The following THADA variants were observed in gnomAD, a reference collection of about 807,000 sequenced individuals.
THADA encodes THADA armadillo repeat containing.
A neutral mutation model predicts 219.8 loss-of-function variants in THADA; 213 were observed. That is an observed-to-expected ratio of 0.97 (90% CI 0.87 to 1.09). The LOEUF is 1.09. THADA is among the 50% of genes least tolerant of loss of function. THADA has a pLI of 0.00. For missense variants in THADA, 2,956 were observed against 2,311.3 expected (o/e 1.28, Z -5.72); for synonymous variants, 1,018 against 828.9 (o/e 1.23, Z -3.92).
chr2:43,409,229 G>A (rs1353557869), intron 28 of THADA, among the ~76,000 whole-genome samples: 1 of 152,144 alleles, frequency 6.6e-6, no homozygotes. Flanking sequence ...TTTTGCTGAA[G>A]CTAATTAATG....
At position 43,489,874 on chromosome 2, in the gene THADA, C is replaced by CAAAAAAAAAAAA. The variant is rs201735523; in HGVS notation, c.3745-4561_3745-4550dup. ...ATTTCCATATGTATTTTAAGATCTG[C>CAAAAAAAAAAAA]AAAAAAAAAAAAAAAAAAAAGCTAG... On this transcript the variant is annotated intron_variant, in intron 25 of 37. Transcript: ENST00000405975. 4.3e-3 allele frequency among the ~76,000 whole-genome samples: 241 copies of CAAAAAAAAAAAA among 56,030 alleles called. 21 individuals are homozygous for CAAAAAAAAAAAA. The highest frequency in any genetic ancestry group is 0.016 in the African/African-American group (234 of 15,004). 36.8% of individuals were successfully genotyped at this position (56,030 alleles called of 152,430 possible).
rs567932332 is a variant in THADA, at chr2:43,434,241, C to A, written c.3837-3939G>T. 8.9e-4 allele frequency among the ~76,000 whole-genome samples: 135 copies of A among 152,304 alleles called. 1 individual carries two copies. The highest frequency in any genetic ancestry group is 3.1e-3 in the African/African-American group (127 of 41,570). On this transcript the variant is annotated intron_variant, in intron 26 of 37. Transcript: ENST00000405975. ...GCTAATACTGCAGATCACAGAGAAA[C>A]GTAGTGTGGTAACTGATTATCCACA...
intron 7 of THADA, among the ~76,000 whole-genome samples, chr2:43,584,030 T>A (rs1168721406): frequency 1.6e-5 from 2 of 126,506 alleles, no homozygotes; most frequent in East Asian, 4.5e-4. Flanking sequence ...CCAGAGCTTG[T>A]CTCAATTAAA....
rs774085600 is a variant in THADA at position 43,572,901 on chromosome 2, A to C, written c.1821T>G (p.His607Gln). ...TATCAGTTGCAGACTGAAGATGTCC[A>C]TGAGCTCTAGCTATTCGCAGACATG... ...LMACLRIARA[H>Q]GHLQSATDTW... is the part of the protein sequence containing the mutation. The change falls in exon 12 of 38, where the codon CAT (histidine) becomes CAG (glutamine). Residue 607 changes from histidine to glutamine, a missense_variant. Coordinates refer to ENST00000405975, the MANE Select transcript of THADA (RefSeq NM_022065.5). 1.2e-6 allele frequency: 2 copies of C among 1,613,872 alleles called. No individual in the cohort carries two copies. The highest frequency in any genetic ancestry group is 1.7e-5 in the Admixed American group (1 of 60,000).
intron 24 of THADA, among the ~76,000 whole-genome samples, chr2:43,500,223 A>C (rs1688773396): frequency 6.6e-6 from 1 of 152,156 alleles, no homozygotes. Context: ...CTAAAACTAG[A>C]GTATTGGAAG....
At chr2:43,467,137 G>A (rs1168359740) in intron 26 of THADA, among the ~76,000 whole-genome samples, 2 of 125,822 alleles carry the variant, frequency 1.6e-5, no homozygotes, top group Middle Eastern at 6.3e-3. Flanking sequence ...AGCCGAGATC[G>A]CGCCACTGCA....
intron 1 of THADA, chr2:43,595,647 T>C (rs1312492179): frequency 6.6e-6 from 1 of 152,446 alleles, no homozygotes; most frequent in African/African-American, 2.4e-5. Flanking sequence ...TCCCACTTAC[T>C]GCTTCCCTTT....
At chr2:43,506,321 A>T (rs1410992307) in intron 23 of THADA, among the ~76,000 whole-genome samples, 1 of 152,218 alleles carries the variant, frequency 6.6e-6, no homozygotes, top group Non-Finnish European at 1.5e-5. Flanking sequence ...GTAGCTTCTT[A>T]CTTACTTTGT....
In THADA at chr2:43,541,303, T is replaced by A; in HGVS notation, c.3120A>T (p.Lys1040Asn). ...TSTEIKGKEV[K>N]TCDVTAQMVL... Reference sequence around the variant, plus strand: ...CCATCTGCGCAGTTACATCACATGTTTTTACTTCTTTACCTTAAACAAAAA... The same window carrying A: ...CCATCTGCGCAGTTACATCACATGTATTTACTTCTTTACCTTAAACAAAAA... Residue 1040 changes from lysine to asparagine, a missense_variant, in exon 21 of 38, where the codon AAA (lysine) becomes AAT (asparagine). Lys to Asn is a moderately conservative substitution (Grantham distance 94). Transcript: ENST00000405975. 4.3e-6 allele frequency: 7 copies of A among 1,613,120 alleles called. No individual in the cohort carries two copies. The highest frequency in any genetic ancestry group is 5.9e-6 in the Non-Finnish European group (7 of 1,179,600).
Position 43,261,216 on chromosome 2 carries a change from C to CTTTT in THADA, c.5296+18545_5296+18548dup, listed in dbSNP as rs1181680289. Reference sequence around the variant, plus strand: ...TTGCCTGAAATAAATTTGTGCATTTCTTTTTTTTTTTTTTTTTTTTTTTTT... The same window carrying CTTTT: ...TTGCCTGAAATAAATTTGTGCATTTCTTTTTTTTTTTTTTTTTTTTTTTTTTTTT... On this transcript the variant is annotated intron_variant, in intron 36 of 37. Transcript: ENST00000405975. Among the ~76,000 whole-genome samples, 341 of 77,114 alleles carry CTTTT rather than the reference C, an allele frequency of 4.4e-3. 6 individuals carry two copies. Among genetic ancestry groups the CTTTT allele is most frequent in the East Asian group, 8.7e-3 (22 of 2,524 alleles). 50.6% of individuals were successfully genotyped at this position (77,114 alleles called of 152,430 possible).
intron 28 of THADA, among the ~76,000 whole-genome samples, chr2:43,400,482 T>TATATATATATATATATATATATATATAC (rs1553427586): frequency 1.4e-5 from 2 of 146,738 alleles, no homozygotes; most frequent in African/African-American, 5.0e-5. Context: ...TATATAAATA[T>TATATATATATATATATATATATATATAC]ATACACTAAG....
intron 28 of THADA, among the ~76,000 whole-genome samples, chr2:43,415,568 T>A (rs190419258): frequency 6.6e-6 from 1 of 152,256 alleles, no homozygotes; most frequent in Non-Finnish European, 1.5e-5. Context: ...GGATTTAAAT[T>A]CCTCATCCTA....
intron 29 of THADA, among the ~76,000 whole-genome samples, chr2:43,355,083 T>C (rs527470001): frequency 1.3e-5 from 2 of 152,346 alleles, no homozygotes; most frequent in South Asian, 4.1e-4. Context: ...GTCCTGGGTA[T>C]GTCTTTATTA....
At chr2:43,366,398 G>C (rs1326858336) in intron 29 of THADA, among the ~76,000 whole-genome samples, 1 of 152,128 alleles carries the variant, frequency 6.6e-6, no homozygotes, top group Non-Finnish European at 1.5e-5. Flanking sequence ...CACAGGAAGA[G>C]GTCACAGATA....
At chr2:43,403,832 A>G (rs901326978) in intron 28 of THADA, among the ~76,000 whole-genome samples, 1 of 151,500 alleles carries the variant, frequency 6.6e-6, no homozygotes, top group African/African-American at 2.4e-5. Flanking sequence ...CACCCCCAAC[A>G]CACCCCCTAA....
chr2:43,366,839 A>G (rs942617752), intron 29 of THADA, among the ~76,000 whole-genome samples: 1 of 152,226 alleles, frequency 6.6e-6, no homozygotes, highest in Non-Finnish European at 1.5e-5. Context: ...GCCATGTTCA[A>G]TGTACAGCAT....
At position 43,457,087 on chromosome 2, in the gene THADA, G is replaced by C. The variant is rs574382757; in HGVS notation, c.3837-26785C>G. 2.1e-3 allele frequency among the ~76,000 whole-genome samples: 312 copies of C among 148,148 alleles called. 1 individual carries two copies. The highest frequency in any genetic ancestry group is 7.4e-3 in the African/African-American group (294 of 39,904). On this transcript the variant is annotated intron_variant, in intron 26 of 37. Coordinates refer to ENST00000405975, the MANE Select transcript of THADA (RefSeq NM_022065.5). ...AAGGCCAGGAAGACAGCTATGAAGT[G>C]GGATAGAATGTTCCACATCGGTAGA...
intron 36 of THADA, among the ~76,000 whole-genome samples, chr2:43,237,071 CAAAA>C (rs35242458): frequency 1.3e-5 from 1 of 78,182 alleles, no homozygotes; most frequent in Admixed American, 1.4e-4. Flanking sequence ...GACTCTGTCT[CAAAA>C]AAAAAAAAAA....
chr2:43,310,297 G>A lies in THADA; in HGVS notation c.4438+10149C>T, dbSNP rs181825780. Among the ~76,000 whole-genome samples the A allele has an allele frequency of 2.4e-4, 34 of 141,284 alleles. No homozygotes were observed. In the East Asian group the frequency reaches 6.9e-3, roughly 29 times the overall value. The allele number at this position is 141,284 out of a possible 152,430, so 92.7% of individuals were successfully genotyped here. A position where few individuals can be genotyped will look rare whatever the true frequency, so the allele number is the denominator to read the frequency against. ...AGGAACCCAGAATAGGCAAAGCAAT[G>A]TTGAAAAATGAAGAAAGAGGACTCA... On this transcript the variant is annotated intron_variant, in intron 31 of 37. Coordinates refer to ENST00000405975, the MANE Select transcript of THADA (RefSeq NM_022065.5).
Sources: gnomAD v4.1 joint callset for allele counts (sites outside exome capture counted in the v4.1 genomes callset) on GRCh38, gnomAD v4.1.1 for gene constraint, MANE v1.5 for transcripts, NCBI Gene and HGNC (gene_info 2026-07-23, HGNC 2026-07-21) for gene names.